TRMT9B: variants seen among roughly 807,000 people sequenced by gnomAD.
TRMT9B encodes the protein probable tRNA methyltransferase 9B.
Under a neutral mutation model 11.5 loss-of-function variants are expected in TRMT9B, and 16 were observed. The observed-to-expected ratio is 1.39, with a 90% confidence interval of 0.94 to 2.11. The LOEUF (loss-of-function observed/expected upper bound fraction) is 2.11. Ranked by LOEUF, TRMT9B falls within the 30% of genes most tolerant of loss-of-function variation. The pLI is 0.00. For missense variants in TRMT9B, 941 were observed against 553.8 expected, an observed-to-expected ratio of 1.70 and a Z score of -7.02; for synonymous variants, 274 against 192.4, an observed-to-expected ratio of 1.42 and a Z score of -3.51.
intron 1 of TRMT9B, chr8:12,952,287 C>G: frequency 2.6e-6 from 1 of 386,172 alleles, no homozygotes; most frequent in Non-Finnish European, 5.4e-6. Flanking sequence ...GGCGCCCGCC[C>G]GCAGGGAGGA....
At chr8:12,985,192 A>G (rs1311789810) in intron 1 of TRMT9B, among the ~76,000 whole-genome samples, 1 of 152,056 alleles carries the variant, frequency 6.6e-6, no homozygotes, top group Non-Finnish European at 1.5e-5. Flanking sequence ...TTCTTTCATC[A>G]TGTTTATCGG....
intron 3 of TRMT9B, 175 bp from the exon 4 acceptor site, chr8:13,012,509 A>C (rs1811818136): frequency 1.3e-6 from 1 of 785,386 alleles, no homozygotes; most frequent in Non-Finnish European, 1.8e-6. Context: ...CGTGAGGCAG[A>C]GGTTGCAGTG....
intron 1 of TRMT9B, among the ~76,000 whole-genome samples, chr8:12,989,162 C>G (rs1007964847): frequency 1.3e-5 from 2 of 152,058 alleles, no homozygotes; most frequent in African/African-American, 2.4e-5. Flanking sequence ...ACACGCATGG[C>G]TTATTTCAGA....
chr8:13,005,123 C>T (rs1199118828), intron 2 of TRMT9B, among the ~76,000 whole-genome samples: 2 of 151,678 alleles, frequency 1.3e-5, no homozygotes, highest in African/African-American at 4.9e-5. Context: ...AAAAGAAATC[C>T]TGTCATTCGC....
intron 3 of TRMT9B, chr8:13,010,987 C>T (rs1811495647): frequency 1.1e-6 from 1 of 901,606 alleles, no homozygotes; most frequent in Non-Finnish European, 1.3e-6. Flanking sequence ...GAATTGTTTT[C>T]TTTTTCTTTT....
At chr8:12,980,261 G>A (rs573819273) in intron 1 of TRMT9B, among the ~76,000 whole-genome samples, 2 of 152,158 alleles carry the variant, frequency 1.3e-5, no homozygotes, top group African/African-American at 4.8e-5. Flanking sequence ...GGCACTCTTT[G>A]GCTTGTGCTA....
At chr8:12,955,681 C>A (rs754710117) in intron 1 of TRMT9B, among the ~76,000 whole-genome samples, 2 of 152,174 alleles carry the variant, frequency 1.3e-5, no homozygotes, top group African/African-American at 2.4e-5. Flanking sequence ...TTTCTACCTT[C>A]TCTTTCTTCT....
chr8:12,974,610 A>G (rs1804142689), intron 1 of TRMT9B, among the ~76,000 whole-genome samples: 1 of 151,392 alleles, frequency 6.6e-6, no homozygotes, highest in Admixed American at 6.6e-5. Flanking sequence ...TCAAGTGGCG[A>G]TGAAGGCTGG....
chr8:13,016,592 T>C (rs1812757024), intron 4 of TRMT9B, among the ~76,000 whole-genome samples: 1 of 151,792 alleles, frequency 6.6e-6, no homozygotes, highest in South Asian at 2.1e-4. Context: ...TCATACCTGG[T>C]TATGCCTTCA....
chr8:13,014,381 G>T (rs1347087439), intron 4 of TRMT9B, among the ~76,000 whole-genome samples: 1 of 152,188 alleles, frequency 6.6e-6, no homozygotes, highest in African/African-American at 2.4e-5. Flanking sequence ...TGCCAGCAGG[G>T]TAAGGTTCTG....
At chr8:13,010,121 T>C (rs991751714) in intron 3 of TRMT9B, 1 of 381,364 alleles carries the variant, frequency 2.6e-6, no homozygotes, top group African/African-American at 2.2e-5. Flanking sequence ...CTGGGTGGCA[T>C]AGTGAGACCC....
At chr8:13,015,464 G>T (rs1812469150) in intron 4 of TRMT9B, among the ~76,000 whole-genome samples, 1 of 152,064 alleles carries the variant, frequency 6.6e-6, no homozygotes, top group African/African-American at 2.4e-5. Flanking sequence ...TTATCCTCCT[G>T]CCTCAGCCTC....
At chr8:13,012,045 G>A (rs948325629) in intron 3 of TRMT9B, 6 of 985,224 alleles carry the variant, frequency 6.1e-6, no homozygotes, top group African/African-American at 1.7e-5. Flanking sequence ...GAGGCTACAC[G>A]TGGTCTCTCG....
chr8:12,956,070 C>T (rs984325724), intron 1 of TRMT9B, among the ~76,000 whole-genome samples: 2 of 152,190 alleles, frequency 1.3e-5, no homozygotes, highest in African/African-American at 4.8e-5. Flanking sequence ...CTTAGATGCT[C>T]TCCACTTTCC....
intron 1 of TRMT9B, among the ~76,000 whole-genome samples, chr8:12,952,897 G>A (rs1340547149): frequency 6.6e-6 from 1 of 152,122 alleles, no homozygotes; most frequent in South Asian, 2.1e-4. Flanking sequence ...CCGTCACCAT[G>A]CCTGGCTAAT....
chr8:12,949,128 C>G (rs983139241), intron 1 of TRMT9B, among the ~76,000 whole-genome samples: 1 of 151,996 alleles, frequency 6.6e-6, no homozygotes, highest in African/African-American at 2.4e-5. Context: ...GCATCACTGG[C>G]CTGTTTGTAT....
At chr8:12,969,377 T>C (rs1803266167) in intron 1 of TRMT9B, among the ~76,000 whole-genome samples, 1 of 152,094 alleles carries the variant, frequency 6.6e-6, no homozygotes, top group African/African-American at 2.4e-5. Flanking sequence ...AAGTAAACAA[T>C]TGCACCCAGT....
intron 3 of TRMT9B, chr8:13,007,627 T>C (rs1277916692): frequency 1.3e-5 from 2 of 152,196 alleles, no homozygotes; most frequent in Non-Finnish European, 2.9e-5. Context: ...AAAATATCTC[T>C]ATCCTGTAAA....
At position 13,006,276 on chromosome 8, in the gene TRMT9B, G is replaced by A; in HGVS notation, c.74G>A (p.Ser25Asn). The change falls in exon 3 of 5, where the codon AGC (serine) becomes AAC (asparagine). Residue 25 changes from serine (S) to asparagine (N), a missense_variant. Coordinates refer to ENST00000524591, the MANE Select transcript of TRMT9B (RefSeq NM_020844.3). ...NVYESTAPYFSDLQSKAWPRV... is the reference protein window; with the variant it reads ...NVYESTAPYFNDLQSKAWPRV... ...TACGAGAGCACAGCCCCTTACTTCA[G>A]CGACCTGCAGAGCAAAGCCTGGCCT... is the stretch of plus-strand genomic sequence containing the variant. The A allele has an allele frequency of 6.2e-7, 1 of 1,613,984 alleles. No individual in the cohort carries two copies. The highest frequency in any genetic ancestry group is 2.2e-5 in the East Asian group (1 of 44,886).
Sources: allele counts gnomAD v4.1 joint callset (sites outside exome capture counted in the v4.1 genomes callset), GRCh38; gene constraint gnomAD v4.1.1; transcripts MANE v1.5; gene names NCBI Gene and HGNC (gene_info 2026-07-23, HGNC 2026-07-21).